XPR1: variants seen among roughly 807,000 people sequenced by gnomAD.
The protein encoded by XPR1 is solute carrier family 53 member 1.
A neutral mutation model predicts 87.5 loss-of-function variants in XPR1; 28 were observed. The ratio of observed to expected loss-of-function variants is 0.32; its 90% confidence interval spans 0.24 to 0.44. XPR1 has a LOEUF of 0.44. Ranked by LOEUF, XPR1 falls within the 20% of genes least tolerant of loss-of-function variation. The pLI is 1.00. For missense variants in XPR1, 559 were observed against 862.3 expected (o/e 0.65, Z 4.41); for synonymous variants, 300 against 306.1 (o/e 0.98, Z 0.21).
chr1:180,761,551 C>G (rs1648032642), intron 2 of XPR1, among the ~76,000 whole-genome samples: 1 of 151,930 alleles, frequency 6.6e-6, no homozygotes, highest in Admixed American at 6.6e-5. Flanking sequence ...CAGAGAAATG[C>G]AAATCAAAAC....
intron 1 of XPR1, among the ~76,000 whole-genome samples, chr1:180,653,723 C>T (rs1008385928): frequency 6.6e-6 from 1 of 152,162 alleles, no homozygotes; most frequent in African/African-American, 2.4e-5. Flanking sequence ...ACGCCAGAAT[C>T]ATCACTCTTG....
At chr1:180,841,579 C>T (rs563249988) in intron 11 of XPR1, among the ~76,000 whole-genome samples, 3 of 152,204 alleles carry the variant, frequency 2.0e-5, no homozygotes, top group Admixed American at 1.3e-4. Context: ...TCTTCCTTTA[C>T]AGCCTTTTAA....
At chr1:180,635,189 GAA>G (rs1278758859) in intron 1 of XPR1, among the ~76,000 whole-genome samples, 1 of 152,062 alleles carries the variant, frequency 6.6e-6, no homozygotes, top group Non-Finnish European at 1.5e-5. Flanking sequence ...GCCATATAAA[GAA>G]AATCTCTTCA....
chr1:180,659,425 TTCCTTCCTTCCTTCTTCCC>T (rs1571691489), intron 1 of XPR1, among the ~76,000 whole-genome samples: 2 of 118,778 alleles, frequency 1.7e-5, no homozygotes, highest in Non-Finnish European at 3.5e-5. Context: ...CCTTCCTTCC[TTCCTTCCTTCCTTCTTCCC>T]TCCTTCTTCC....
chr1:180,712,111 AAGTT>A, intron 2 of XPR1, among the ~76,000 whole-genome samples: 1 of 152,328 alleles, frequency 6.6e-6, no homozygotes, highest in Admixed American at 6.5e-5. Flanking sequence ...ACATATGATA[AAGTT>A]TAATTTCTAA....
intron 1 of XPR1, among the ~76,000 whole-genome samples, chr1:180,666,719 C>T (rs1427754609): frequency 6.6e-6 from 1 of 152,004 alleles, no homozygotes; most frequent in Non-Finnish European, 1.5e-5. Context: ...ATTAGTTTTT[C>T]TTTTTTTGGT....
chr1:180,823,802 C>T (rs12064913), intron 7 of XPR1, among the ~76,000 whole-genome samples: 52,834 of 151,998 alleles, frequency 0.35, 9,587 homozygotes, highest in Non-Finnish European at 0.39. Context: ...AAATGACAAC[C>T]TCTCTGTGCT....
rs545962567 is a variant in XPR1 at position 180,885,558 on chromosome 1, A to C, written c.*1492A>C. On this transcript the variant is annotated 3_prime_UTR_variant, in exon 15 of 15. Coordinates refer to ENST00000367590, the MANE Select transcript of XPR1 (RefSeq NM_004736.4). ...CTTTATTGAATATGGTTGGCATTAA[A>C]TTTAGCATTTCATTATCTAACAAAA... is the stretch of plus-strand genomic sequence containing the variant. 4.6e-5 allele frequency: 7 copies of C among 152,356 alleles called. No homozygotes were observed. Among genetic ancestry groups the C allele is most frequent in the Non-Finnish European group, 7.3e-5 (5 of 68,036 alleles). 9.4% of individuals were successfully genotyped at this position (152,356 alleles called of 1,614,324 possible). A position where few individuals can be genotyped will look rare whatever the true frequency, so the allele number is the denominator to read the frequency against.
chr1:180,718,966 C>T (rs1285185695), intron 2 of XPR1, among the ~76,000 whole-genome samples: 3 of 152,104 alleles, frequency 2.0e-5, no homozygotes, highest in African/African-American at 4.8e-5. Context: ...TGTACCCAGC[C>T]GGATCTGTAT....
chr1:180,740,698 A>G (rs1433946966), intron 2 of XPR1, among the ~76,000 whole-genome samples: 2 of 152,232 alleles, frequency 1.3e-5, no homozygotes, highest in Non-Finnish European at 2.9e-5. Context: ...GTTCTCTCCC[A>G]TCTCAGTCCT....
At chr1:180,689,208 G>A (rs1196212765) in intron 2 of XPR1, among the ~76,000 whole-genome samples, 1 of 152,096 alleles carries the variant, frequency 6.6e-6, no homozygotes, top group African/African-American at 2.4e-5. Context: ...AAGGTTGCAT[G>A]ACTCAGTAAT....
At chr1:180,735,136 AT>A (rs1324372582) in intron 2 of XPR1, among the ~76,000 whole-genome samples, 1 of 152,232 alleles carries the variant, frequency 6.6e-6, no homozygotes, top group Non-Finnish European at 1.5e-5. Context: ...TCAGAAATAC[AT>A]ATTGTCAGAC....
At chr1:180,650,797 TTCTC>T (rs375525190) in intron 1 of XPR1, among the ~76,000 whole-genome samples, 13 of 152,328 alleles carry the variant, frequency 8.5e-5, no homozygotes, top group South Asian at 4.1e-4. Flanking sequence ...AACAGTGATT[TTCTC>T]TCTCTGAGTC....
At chr1:180,731,740 A>G (rs908439949) in intron 2 of XPR1, among the ~76,000 whole-genome samples, 11 of 152,244 alleles carry the variant, frequency 7.2e-5, no homozygotes, top group African/African-American at 2.7e-4. Flanking sequence ...GAGATAGTTT[A>G]CATTTTTATG....
chr1:180,707,965 G>T (rs1393439377), intron 2 of XPR1, among the ~76,000 whole-genome samples: 4 of 152,100 alleles, frequency 2.6e-5, no homozygotes, highest in Admixed American at 2.6e-4. Context: ...AGCATTTCTT[G>T]TTGAGGTCTT....
chr1:180,729,103 G>C (rs1214011679), intron 2 of XPR1, among the ~76,000 whole-genome samples: 1 of 152,130 alleles, frequency 6.6e-6, no homozygotes, highest in Non-Finnish European at 1.5e-5. Flanking sequence ...TTGGTTTTTT[G>C]TTCCTGTGTT....
intron 2 of XPR1, among the ~76,000 whole-genome samples, chr1:180,725,775 A>G (rs1246603783): frequency 6.6e-6 from 1 of 152,192 alleles, no homozygotes; most frequent in East Asian, 1.9e-4. Flanking sequence ...GGATACTGCA[A>G]AGTAGCTCCA....
At chr1:180,738,819 C>A (rs1008803038) in intron 2 of XPR1, among the ~76,000 whole-genome samples, 1 of 152,038 alleles carries the variant, frequency 6.6e-6, no homozygotes, top group African/African-American at 2.4e-5. Context: ...AACATTTTGT[C>A]CAAGTCTGTA....
chr1:180,781,784 G>A (rs958211840), intron 2 of XPR1, among the ~76,000 whole-genome samples: 6 of 151,860 alleles, frequency 4.0e-5, no homozygotes, highest in Non-Finnish European at 7.4e-5. Flanking sequence ...TCGTCATTTA[G>A]CATTAGGTAT....
Sources: gnomAD v4.1 joint callset for allele counts (sites outside exome capture counted in the v4.1 genomes callset) on GRCh38, gnomAD v4.1.1 for gene constraint, MANE v1.5 for transcripts, NCBI Gene and HGNC (gene_info 2026-07-23, HGNC 2026-07-21) for gene names.